The following PPP4R3A variants were observed in gnomAD, a reference collection of about 807,000 sequenced individuals.
The protein encoded by PPP4R3A is protein phosphatase 4 regulatory subunit 3A.
PPP4R3A carries 15 observed loss-of-function variants against 91.7 expected under a neutral mutation model. The observed-to-expected ratio is 0.16, with a 90% CI of 0.11 to 0.25. PPP4R3A has a LOEUF of 0.25. PPP4R3A is among the 10% of genes least tolerant of loss of function. The pLI is 1.00. For synonymous variants in PPP4R3A, 377 were observed against 348.7 expected, an observed-to-expected ratio of 1.08 and a Z score of -0.91; for missense variants, 623 against 998.4, an observed-to-expected ratio of 0.62 and a Z score of 5.07.
At chr14:91,467,621 A>T (rs1430324484) in intron 10 of PPP4R3A, among the ~76,000 whole-genome samples, 1 of 152,192 alleles carries the variant, frequency 6.6e-6, no homozygotes, top group Non-Finnish European at 1.5e-5. Context: ...ACATAAAAGT[A>T]TGAGCTAAAG....
rs751566194 is a variant in PPP4R3A, at chr14:91,476,931, T to A, written c.971A>T (p.Asp324Val). 6.2e-7 allele frequency: 1 copy of A among 1,600,508 alleles called. No individual in the cohort carries two copies. The highest frequency in any genetic ancestry group is 8.5e-7 in the Non-Finnish European group (1 of 1,172,268). Reference sequence around the variant, plus strand: ...TACCAATTCCTGTCTTTTTTCCTCATCTGTTGCTTCATCTGTTAGTTGTGC... The same window carrying A: ...TACCAATTCCTGTCTTTTTTCCTCAACTGTTGCTTCATCTGTTAGTTGTGC... ...LFAQLTDEAT[D>V]EEKRQELVNF... The change falls in exon 5 of 15, where the codon GAT becomes GTT. Residue 324 changes from aspartate to valine, a missense_variant. By Grantham distance (152) the Asp-to-Val change is radical. This residue lies in a region of PPP4R3A where 264 missense variants were observed against 377.3 expected (regional missense o/e 0.70). Transcript: ENST00000554943.
Position 91,482,236 on chromosome 14 carries a change from G to T in PPP4R3A, c.298-43C>A, listed in dbSNP as rs1248836951. The T allele has an allele frequency of 2.0e-6, 3 of 1,534,976 alleles. No individual in the cohort carries two copies. The South Asian group carries it at 3.8e-5, about 20-fold the overall frequency. ...ATTGCTGACAAAATAGATAACAGGT[G>T]ACCAGCAAACCTAAATGCTACTCTA... On this transcript the variant is annotated intron_variant, in intron 3 of 14. Transcript: ENST00000554943.
chr14:91,509,525 A>G lies in PPP4R3A; in HGVS notation c.123T>C (p.Leu41=). 6.3e-7 allele frequency: 1 copy of G among 1,596,284 alleles called. No individual in the cohort carries two copies. The highest frequency in any genetic ancestry group is 1.1e-5 in the South Asian group (1 of 89,706). The change falls in exon 1 of 15, where the codon CTT becomes CTC. Residue 41 remains leucine, a synonymous_variant. Transcript: ENST00000554943. ...YVERLKGMSL[L]VRAESDGSLL... ...ACTTACCGTCGCTCTCAGCCCTGACAAGCAGGGACATGCCCTTCAGCCGCT... is the reference window on the plus strand; with the variant it reads ...ACTTACCGTCGCTCTCAGCCCTGACGAGCAGGGACATGCCCTTCAGCCGCT...
chr14:91,500,786 C>A, intron 1 of PPP4R3A, among the ~76,000 whole-genome samples: 1 of 152,262 alleles, frequency 6.6e-6, no homozygotes, highest in South Asian at 2.1e-4. Context: ...CTTTGGAAAG[C>A]TGAGGTGGGT....
chr14:91,490,883 T>TTA, intron 1 of PPP4R3A, 81 bp from the exon 2 acceptor site: 1 of 511,686 alleles, frequency 2.0e-6, no homozygotes, highest in Non-Finnish European at 3.0e-6. Flanking sequence ...CATATTTCCT[T>TTA]AAAAAAAATA....
intron 10 of PPP4R3A, chr14:91,466,381 T>G: frequency 1.0e-6 from 1 of 985,838 alleles, no homozygotes; most frequent in Non-Finnish European, 1.2e-6. Flanking sequence ...AAGTCCTTCA[T>G]GAGCAGGTAG....
chr14:91,483,669 C>A (rs1363380878), intron 3 of PPP4R3A, among the ~76,000 whole-genome samples: 2 of 152,044 alleles, frequency 1.3e-5, no homozygotes, highest in African/African-American at 2.4e-5. Flanking sequence ...TCTCAGAGAG[C>A]AAAATGTAAT....
chr14:91,466,678 TAA>T (rs926019494), intron 10 of PPP4R3A, among the ~76,000 whole-genome samples: 2 of 152,196 alleles, frequency 1.3e-5, no homozygotes, highest in African/African-American at 4.8e-5. Context: ...TTTTAAACAC[TAA>T]GAGGCATCTT....
chr14:91,480,933 G>A (rs1388530262), intron 4 of PPP4R3A, among the ~76,000 whole-genome samples: 1 of 152,092 alleles, frequency 6.6e-6, no homozygotes, highest in Non-Finnish European at 1.5e-5. Flanking sequence ...TAATTGGAAG[G>A]CTGAGGTGGG....
chr14:91,509,600 G>T lies in PPP4R3A; in HGVS notation c.48C>A (p.Asp16Glu). The T allele has an allele frequency of 6.2e-7, 1 of 1,603,252 alleles. No individual in the cohort carries two copies. Reference sequence around the variant, plus strand: ...CGGTGCCCCGGTCGTCCCACTGCCGGTCCTCGTTGAGCGTGTACACCTTCA... The same window carrying T: ...CGGTGCCCCGGTCGTCCCACTGCCGTTCCTCGTTGAGCGTGTACACCTTCA... ...RRVKVYTLNEDRQWDDRGTGH... is the reference protein window; with the variant it reads ...RRVKVYTLNEERQWDDRGTGH... Residue 16 changes from aspartate to glutamate, a missense_variant, in exon 1 of 15, where the codon GAC (aspartate) becomes GAA (glutamate). Physicochemically the swap from Asp to Glu is conservative, Grantham distance 45. This residue lies in a region of PPP4R3A where 51 missense variants were observed against 81.8 expected (regional missense o/e 0.62). Transcript: ENST00000554943.
At chr14:91,496,689 T>G (rs1411960782) in intron 1 of PPP4R3A, among the ~76,000 whole-genome samples, 1 of 152,184 alleles carries the variant, frequency 6.6e-6, no homozygotes, top group Non-Finnish European at 1.5e-5. Flanking sequence ...AAACTCTCTT[T>G]TCAGCCATAT....
chr14:91,501,436 C>T (rs1890946089), intron 1 of PPP4R3A, among the ~76,000 whole-genome samples: 2 of 152,072 alleles, frequency 1.3e-5, no homozygotes, highest in Non-Finnish European at 2.9e-5. Flanking sequence ...AGAGAATGCA[C>T]CATCAAAAAT....
chr14:91,509,265 A>G (rs1891616603), intron 1 of PPP4R3A, among the ~76,000 whole-genome samples: 1 of 152,092 alleles, frequency 6.6e-6, no homozygotes, highest in Admixed American at 6.6e-5. Context: ...CAGCTCAAAC[A>G]CGCTTGGCTC....
At chr14:91,496,182 T>C (rs11621158) in intron 1 of PPP4R3A, among the ~76,000 whole-genome samples, 74,677 of 152,028 alleles carry the variant, frequency 0.49, 18,679 homozygotes, top group Admixed American at 0.53. Context: ...GGGAGGAACC[T>C]GAAGTAGGCT....
intron 1 of PPP4R3A, among the ~76,000 whole-genome samples, chr14:91,504,325 TAAA>T (rs35776205): frequency 8.7e-6 from 1 of 115,008 alleles, no homozygotes; most frequent in Non-Finnish European, 1.9e-5. Context: ...TCTTAAAAAT[TAAA>T]AAAAAAAAAA....
Position 91,461,570 on chromosome 14 carries a change from T to C in PPP4R3A, c.2202A>G (p.Thr734=). 1.2e-6 allele frequency: 2 copies of C among 1,614,176 alleles called. No individual in the cohort carries two copies. The highest frequency in any genetic ancestry group is 1.7e-6 in the Non-Finnish European group (2 of 1,180,010). ...ESEEKEVLLK[T]NLSGRQSPSF... is the part of the protein sequence containing the mutation. ...TTGGGCTCTGCCGTCCAGAAAGGTT[T>C]GTTTTCAGAAGCACTTCCTTTTCCT... is the stretch of plus-strand genomic sequence containing the variant. Residue 734 remains threonine (T), a synonymous_variant, in exon 14 of 15, where the codon ACA becomes ACG. Coordinates refer to ENST00000554943, the MANE Select transcript of PPP4R3A (RefSeq NM_001366432.2).
chr14:91,482,752 G>A (rs919112202), intron 3 of PPP4R3A, among the ~76,000 whole-genome samples: 1 of 152,088 alleles, frequency 6.6e-6, no homozygotes, highest in Non-Finnish European at 1.5e-5. Context: ...TAGAAACCAA[G>A]GGCCAAAGAG....
intron 10 of PPP4R3A, among the ~76,000 whole-genome samples, chr14:91,466,705 C>G (rs1888490859): frequency 6.6e-6 from 1 of 151,978 alleles, no homozygotes; most frequent in African/African-American, 2.4e-5. Context: ...TGTGATAAGT[C>G]AAAGCCTAAC....
At position 91,497,379 on chromosome 14, in the gene PPP4R3A, C is replaced by CACACGA. The variant is rs33956328; in HGVS notation, c.143-6578_143-6577insTCGTGT. ...ACACACACACACACACACACACACA[C>CACACGA]GATACCTTTTCCCACACATCTGAGA... On this transcript the variant is annotated intron_variant, in intron 1 of 14. Coordinates refer to ENST00000554943, the MANE Select transcript of PPP4R3A (RefSeq NM_001366432.2). 5.2e-5 allele frequency among the ~76,000 whole-genome samples: 7 copies of CACACGA among 134,220 alleles called. No homozygotes were observed. The East Asian group carries it at 1.5e-3, about 29-fold the overall frequency. 88.1% of individuals were successfully genotyped at this position (134,220 alleles called of 152,430 possible).
Sources: gnomAD v4.1 joint callset for allele counts (sites outside exome capture counted in the v4.1 genomes callset) on GRCh38, gnomAD v4.1.1 for gene constraint, gnomAD v4.1.1 regional missense constraint, MANE v1.5 for transcripts, NCBI Gene and HGNC (gene_info 2026-07-23, HGNC 2026-07-21) for gene names.